Variants in NTNG1 observed in about 807,000 individuals in gnomAD.
NTNG1 encodes the protein netrin-G1.
NTNG1 carries 16 observed loss-of-function variants against 54.0 expected under a neutral mutation model. The ratio of observed to expected loss-of-function variants is 0.30; its 90% CI spans 0.20 to 0.45. NTNG1 has a LOEUF of 0.45. NTNG1 is among the 20% of genes least tolerant of loss of function. The pLI is 1.00. For synonymous variants in NTNG1, 255 were observed against 263.1 expected (o/e 0.97, Z 0.30); for missense variants, 530 against 678.7 (o/e 0.78, Z 2.43).
chr1:107,374,324 C>T (rs1177460928), intron 3 of NTNG1, among the ~76,000 whole-genome samples: 1 of 151,890 alleles, frequency 6.6e-6, no homozygotes, highest in East Asian at 1.9e-4. Context: ...TTTATTTGGC[C>T]CACCCATCTC....
chr1:107,442,091 T>C (rs979922362), intron 7 of NTNG1, among the ~76,000 whole-genome samples: 1 of 152,110 alleles, frequency 6.6e-6, no homozygotes. Context: ...AATTCAAATA[T>C]CAGGAGTTCT....
chr1:107,334,365 T>A (rs947365084), intron 3 of NTNG1, among the ~76,000 whole-genome samples: 1 of 151,828 alleles, frequency 6.6e-6, no homozygotes, highest in African/African-American at 2.4e-5. Context: ...TAACAGAATA[T>A]CAGGGAAGCA....
At chr1:107,383,024 A>C (rs1179802502) in intron 3 of NTNG1, among the ~76,000 whole-genome samples, 1 of 152,230 alleles carries the variant, frequency 6.6e-6, no homozygotes, top group Non-Finnish European at 1.5e-5. Flanking sequence ...TAAAAACTAA[A>C]AGTATGGAAT....
chr1:107,430,994 C>G (rs1348336833), intron 6 of NTNG1, 77 bp downstream of exon 6: 2 of 1,339,992 alleles, frequency 1.5e-6, no homozygotes, highest in African/African-American at 2.9e-5. Flanking sequence ...GAGAGGCTGG[C>G]GATTTGCACC....
intron 2 of NTNG1, among the ~76,000 whole-genome samples, chr1:107,314,964 A>G (rs4462174): frequency 0.034 from 5,106 of 152,316 alleles, 169 homozygotes; most frequent in South Asian, 0.13. Flanking sequence ...TGTTGAACAC[A>G]TCCTAAGCAT....
intron 7 of NTNG1, among the ~76,000 whole-genome samples, chr1:107,441,971 G>A (rs1675994077): frequency 1.3e-5 from 2 of 152,096 alleles, no homozygotes; most frequent in Non-Finnish European, 2.9e-5. Context: ...ACCACAGACT[G>A]TATAAGAAAG....
In NTNG1 at chr1:107,436,756, T is replaced by C. The variant is rs1675621537; in HGVS notation, c.1347T>C (p.Cys449=). The change falls in exon 7 of 8, where the codon TGT becomes TGC. Residue 449 remains cysteine (C), a synonymous_variant. Transcript: ENST00000370068. Reference sequence around the variant, plus strand: ...AGACTGGAACAACAGGGCCTAAGTGTGATGAGTGTCTGCCGGGAAATTCCT... The same window carrying C: ...AGACTGGAACAACAGGGCCTAAGTGCGATGAGTGTCTGCCGGGAAATTCCT... ...ECKTGTTGPK[C]DECLPGNSWH... The C allele has an allele frequency of 6.2e-7, 1 of 1,613,296 alleles. No homozygotes were observed. The highest frequency in any genetic ancestry group is 1.3e-5 in the African/African-American group (1 of 74,892).
intron 7 of NTNG1, among the ~76,000 whole-genome samples, chr1:107,447,921 T>C (rs953480172): frequency 7.2e-5 from 11 of 152,134 alleles, no homozygotes; most frequent in Non-Finnish European, 1.3e-4. Context: ...CATTCACTTA[T>C]ATTTTCATTC....
intron 1 of NTNG1, among the ~76,000 whole-genome samples, chr1:107,146,394 A>G (rs1654119460): frequency 6.6e-6 from 1 of 152,128 alleles, no homozygotes; most frequent in Non-Finnish European, 1.5e-5. Context: ...AATTTGTATC[A>G]TTTTAACACC....
intron 3 of NTNG1, among the ~76,000 whole-genome samples, chr1:107,389,429 A>T (rs4915040): frequency 3.5e-4 from 53 of 151,594 alleles, no homozygotes; most frequent in Middle Eastern, 3.4e-3. Context: ...ATAAAAAAAT[A>T]AAAAAATGAG....
chr1:107,364,720 A>G (rs1670491034), intron 3 of NTNG1, among the ~76,000 whole-genome samples: 1 of 152,220 alleles, frequency 6.6e-6, no homozygotes, highest in Admixed American at 6.5e-5. Flanking sequence ...CAACATACTA[A>G]GTGCTTTGAA....
intron 1 of NTNG1, among the ~76,000 whole-genome samples, chr1:107,142,611 G>A (rs541430601): frequency 6.6e-6 from 1 of 151,272 alleles, no homozygotes; most frequent in African/African-American, 2.4e-5. Context: ...CAGTAGAATT[G>A]CTCTAGAAAT....
chr1:107,185,856 C>T (rs1657421394), intron 2 of NTNG1, among the ~76,000 whole-genome samples: 1 of 71,098 alleles, frequency 1.4e-5, no homozygotes, highest in South Asian at 6.9e-4. Flanking sequence ...ATCCAGTCTG[C>T]GACCAACTTC....
chr1:107,257,170 A>G (rs1662988056), intron 2 of NTNG1, among the ~76,000 whole-genome samples: 1 of 152,240 alleles, frequency 6.6e-6, no homozygotes, highest in South Asian at 2.1e-4. Flanking sequence ...ACCTGCCTTT[A>G]TCGTCATTTG....
chr1:107,410,800 T>C (rs1456202408), intron 5 of NTNG1, among the ~76,000 whole-genome samples: 1 of 152,202 alleles, frequency 6.6e-6, no homozygotes, highest in Non-Finnish European at 1.5e-5. Context: ...ATATATCATA[T>C]GATCTTTGGT....
intron 2 of NTNG1, among the ~76,000 whole-genome samples, chr1:107,193,327 T>G (rs1658098290): frequency 1.3e-5 from 2 of 152,050 alleles, no homozygotes; most frequent in Admixed American, 6.6e-5. Context: ...TTCGGTCATT[T>G]TGTGTTCTCC....
At chr1:107,162,972 G>T (rs963715073) in intron 2 of NTNG1, among the ~76,000 whole-genome samples, 1 of 152,156 alleles carries the variant, frequency 6.6e-6, no homozygotes, top group African/African-American at 2.4e-5. Context: ...GCAAGGAAGG[G>T]TTCTATTTCC....
chr1:107,419,790 A>G (rs765228760), intron 5 of NTNG1, among the ~76,000 whole-genome samples: 1 of 152,024 alleles, frequency 6.6e-6, no homozygotes, highest in Non-Finnish European at 1.5e-5. Context: ...TTGAGGAGTC[A>G]AATTGGAAGG....
chr1:107,223,205 G>A (rs929483456), intron 2 of NTNG1, among the ~76,000 whole-genome samples: 2 of 152,002 alleles, frequency 1.3e-5, no homozygotes, highest in African/African-American at 4.8e-5. Context: ...AATGAGAATG[G>A]TATCTACCTT....
Sources: allele counts gnomAD v4.1 joint callset (sites outside exome capture counted in the v4.1 genomes callset), GRCh38; gene constraint gnomAD v4.1.1; transcripts MANE v1.5; gene names NCBI Gene and HGNC (gene_info 2026-07-23, HGNC 2026-07-21).